WDR20: variants seen among roughly 807,000 people sequenced by gnomAD.
WDR20 encodes WD repeat-containing protein 20.
WDR20 carries 3 observed loss-of-function variants against 38.7 expected under a neutral mutation model. That is an observed-to-expected ratio of 0.08 (90% CI 0.04 to 0.20). The LOEUF is 0.20. Ranked by LOEUF, WDR20 falls within the 10% of genes least tolerant of loss-of-function variation. The pLI is 1.00. For missense variants in WDR20, 559 were observed against 727.7 expected, an observed-to-expected ratio of 0.77 and a Z score of 2.67; for synonymous variants, 298 against 285.6, an observed-to-expected ratio of 1.04 and a Z score of -0.44.
chr14:102,152,227 C>CTT (rs1485168368), intron 1 of WDR20, among the ~76,000 whole-genome samples: 1 of 151,950 alleles, frequency 6.6e-6, no homozygotes. Context: ...CATGAGTACT[C>CTT]TTTTTCTTCC....
rs1264014932 is a variant in WDR20 at position 102,189,911 on chromosome 14, A to G, written c.250-5027A>G. On this transcript the variant is annotated intron_variant, in intron 1 of 2. Coordinates refer to ENST00000342702, the MANE Select transcript of WDR20 (RefSeq NM_144574.4). ...ATTAAGTACTTGAGAATTCAGATAC[A>G]GGAGCAGCACAAAGAATGGTTGGGA... Among the ~76,000 whole-genome samples, 4 of 152,348 alleles carry G rather than the reference A, an allele frequency of 2.6e-5. No homozygotes were observed. In the East Asian group the frequency reaches 7.7e-4, roughly 29 times the overall value.
At chr14:102,143,297 G>T (rs1350260655) in intron 1 of WDR20, among the ~76,000 whole-genome samples, 1 of 152,158 alleles carries the variant, frequency 6.6e-6, no homozygotes, top group Non-Finnish European at 1.5e-5. Flanking sequence ...TTAAATTCTT[G>T]AGGTAGATTA....
At position 102,140,122 on chromosome 14, in the gene WDR20, T is replaced by C; in HGVS notation, c.199T>C (p.Phe67Leu). The change falls in exon 1 of 3, where the codon TTC (phenylalanine) becomes CTC (leucine). Residue 67 changes from phenylalanine to leucine, a missense_variant. Transcript: ENST00000342702. ...DQSGNGDRLC[F>L]NVGRELYFYI... Reference sequence around the variant, plus strand: ...GTCTGGCAACGGCGACCGCCTCTGCTTCAATGTGGGCCGGGAGCTGTACTT... The same window carrying C: ...GTCTGGCAACGGCGACCGCCTCTGCCTCAATGTGGGCCGGGAGCTGTACTT... 1 of 1,614,066 alleles carries C rather than the reference T, an allele frequency of 6.2e-7. No individual in the cohort carries two copies. The highest frequency in any genetic ancestry group is 8.5e-7 in the Non-Finnish European group (1 of 1,180,032).
At chr14:102,205,875 A>G (rs2061443533) in intron 2 of WDR20, among the ~76,000 whole-genome samples, 2 of 151,912 alleles carry the variant, frequency 1.3e-5, no homozygotes, top group Admixed American at 1.3e-4. Context: ...GTGTCACAGT[A>G]ACATTTAATT....
downstream of WDR20, among the ~76,000 whole-genome samples, chr14:102,219,931 G>T (rs1419128197): frequency 1.3e-5 from 2 of 152,260 alleles, no homozygotes; most frequent in East Asian, 3.8e-4. Flanking sequence ...TGGAGGGCAT[G>T]AAGGTGGTTC....
intron 1 of WDR20, among the ~76,000 whole-genome samples, chr14:102,177,477 C>G (rs1420372092): frequency 6.6e-6 from 1 of 152,142 alleles, no homozygotes; most frequent in Admixed American, 6.5e-5. Context: ...AGGGAGTCTA[C>G]TAGCTATGAG....
At chr14:102,202,635 C>G (rs961771197) in intron 2 of WDR20, among the ~76,000 whole-genome samples, 1 of 152,210 alleles carries the variant, frequency 6.6e-6, no homozygotes, top group Admixed American at 6.5e-5. Flanking sequence ...CCGCCTTGGC[C>G]TCCCAAAGTA....
chr14:102,210,490 C>T lies in WDR20; in HGVS notation c.*610C>T. The T allele has an allele frequency of 1.0e-6, 1 of 985,236 alleles. No homozygotes were observed. Among genetic ancestry groups the T allele is most frequent in the South Asian group, 4.7e-5 (1 of 21,278 alleles). 61.0% of individuals were successfully genotyped at this position (985,236 alleles called of 1,614,324 possible). On this transcript the variant is annotated 3_prime_UTR_variant, in exon 3 of 3. Transcript: ENST00000342702. ...AAAACCCATTTTAGTCATTTTATGA[C>T]AATTAAAGTTGTTTAATAAACATCT...
chr14:102,216,856 C>G (rs573705973), downstream of WDR20, among the ~76,000 whole-genome samples: 1 of 152,160 alleles, frequency 6.6e-6, no homozygotes, highest in Non-Finnish European at 1.5e-5. Context: ...TCACTTGAAC[C>G]CAGGAGGTGG....
chr14:102,223,023 CGGCTCACTCTGCGGCGCCGTGCT>C, exon 4 of WDR20: 1 of 984,658 alleles, frequency 1.0e-6, no homozygotes, highest in East Asian at 2.6e-5. Context: ...GGACGGTGAC[CGGCTCACTCTGCGGCGCCGTGCT>C]CCCGCTGCTC....
At chr14:102,224,669 G>A (rs1187570237), downstream of WDR20, 2 of 455,994 alleles carry the variant, frequency 4.4e-6, no homozygotes, top group Admixed American at 2.3e-5. Context: ...CTTCACATCA[G>A]CTCAGCCCTC....
chr14:102,214,933 T>C, downstream of WDR20: 1 of 985,108 alleles, frequency 1.0e-6, no homozygotes, highest in Non-Finnish European at 1.2e-6. Context: ...ACTACATACT[T>C]GATATTCTGA....
intron 1 of WDR20, among the ~76,000 whole-genome samples, chr14:102,173,469 TA>T (rs1482519052): frequency 0.018 from 2,513 of 137,784 alleles, 77 homozygotes; most frequent in African/African-American, 0.066. Flanking sequence ...TTATTATTAT[TA>T]TTATTATTAT....
chr14:102,145,573 G>T (rs77116579), intron 1 of WDR20, among the ~76,000 whole-genome samples: 9 of 152,088 alleles, frequency 5.9e-5, no homozygotes, highest in Non-Finnish European at 1.3e-4. Context: ...GTGAAACCTC[G>T]TGTGGGTTCG....
intron 1 of WDR20, among the ~76,000 whole-genome samples, chr14:102,160,612 C>T (rs903087281): frequency 1.6e-4 from 24 of 152,036 alleles, no homozygotes; most frequent in Non-Finnish European, 3.2e-4. Flanking sequence ...ATTTATTTGA[C>T]GACATCACTC....
downstream of WDR20, among the ~76,000 whole-genome samples, chr14:102,215,692 C>T (rs1177050545): frequency 6.6e-6 from 1 of 152,202 alleles, no homozygotes; most frequent in Non-Finnish European, 1.5e-5. Flanking sequence ...TACTCCTCAT[C>T]TTGAATAGTG....
At position 102,178,421 on chromosome 14, in the gene WDR20, G is replaced by T. The variant is rs115727308; in HGVS notation, c.250-16517G>T. Among the ~76,000 whole-genome samples the T allele has an allele frequency of 4.6e-3, 691 of 151,846 alleles. 5 individuals are homozygous for T. The highest frequency in any genetic ancestry group is 0.015 in the African/African-American group (640 of 41,428). ...AAAAAAAAAAAATTGTTTGGCGTGT[G>T]TGTATTCCAGATCCTCAGTGAGTTC... is the stretch of plus-strand genomic sequence containing the variant. On this transcript the variant is annotated intron_variant, in intron 1 of 2. Transcript: ENST00000342702.
chr14:102,176,886 G>C (rs1449626036), intron 1 of WDR20, among the ~76,000 whole-genome samples: 3 of 151,948 alleles, frequency 2.0e-5, no homozygotes. Flanking sequence ...CTGCCATCAC[G>C]CCCGGCTAAT....
intron 1 of WDR20, among the ~76,000 whole-genome samples, chr14:102,193,124 G>GTT (rs1259186420): frequency 1.4e-5 from 2 of 145,724 alleles, no homozygotes; most frequent in African/African-American, 5.0e-5. Context: ...ATATTTGTAG[G>GTT]TTTTTTTTTT....
Sources: gnomAD v4.1 joint callset for allele counts (sites outside exome capture counted in the v4.1 genomes callset) on GRCh38, gnomAD v4.1.1 for gene constraint, MANE v1.5 for transcripts, NCBI Gene and HGNC (gene_info 2026-07-23, HGNC 2026-07-21) for gene names.